The following MTMR3 variants were observed in gnomAD, a reference collection of about 807,000 sequenced individuals.
The protein encoded by MTMR3 is myotubularin related protein 3.
In MTMR3, 32 loss-of-function variants were observed where a neutral mutation model predicts 132.4. The ratio of observed to expected loss-of-function variants is 0.24; its 90% CI spans 0.18 to 0.32. The LOEUF (loss-of-function observed/expected upper bound fraction) is 0.32. Among genes scored for constraint, MTMR3 ranks in the 10% least tolerant of loss-of-function variants. MTMR3 has a pLI of 1.00. For synonymous variants in MTMR3, 556 were observed against 550.3 expected, an observed-to-expected ratio of 1.01 and a Z score of -0.14; for missense variants, 1,216 against 1,489.6, an observed-to-expected ratio of 0.82 and a Z score of 3.02.
At chr22:29,987,222 G>A (rs956694097) in intron 5 of MTMR3, 1 of 152,094 alleles carries the variant, frequency 6.6e-6, no homozygotes, top group African/African-American at 2.4e-5. Context: ...CTGTTTCTTT[G>A]TCCAGCACTG....
At chr22:29,910,169 A>G (rs962353064) in intron 1 of MTMR3, among the ~76,000 whole-genome samples, 1 of 152,082 alleles carries the variant, frequency 6.6e-6, no homozygotes, top group Non-Finnish European at 1.5e-5. Flanking sequence ...ATCTCAAAAA[A>G]AAAAAAGAAA....
chr22:29,963,150 T>A (rs1796528730), intron 2 of MTMR3, among the ~76,000 whole-genome samples: 1 of 152,130 alleles, frequency 6.6e-6, no homozygotes, highest in Non-Finnish European at 1.5e-5. Flanking sequence ...TTTTGCCATG[T>A]TGCCCGGGCT....
At chr22:29,986,664 CT>C (rs66590707) in intron 5 of MTMR3, 1,486 of 757,708 alleles carry the variant, frequency 2.0e-3, no homozygotes, top group Middle Eastern at 3.4e-3. Context: ...TTTTTCTTTT[CT>C]TTTTTTTTTG....
chr22:29,972,927 A>C (rs1234213737), intron 3 of MTMR3, among the ~76,000 whole-genome samples: 1 of 152,226 alleles, frequency 6.6e-6, no homozygotes, highest in African/African-American at 2.4e-5. Context: ...TATAGTTAGA[A>C]TGATAAAATA....
intron 2 of MTMR3, among the ~76,000 whole-genome samples, chr22:29,969,757 C>T (rs551750054): frequency 6.6e-6 from 1 of 152,278 alleles, no homozygotes; most frequent in African/African-American, 2.4e-5. Flanking sequence ...GTCTCGAACT[C>T]CTGACCTCGT....
intron 2 of MTMR3, among the ~76,000 whole-genome samples, chr22:29,969,247 C>T (rs180759201): frequency 6.6e-6 from 1 of 152,268 alleles, no homozygotes; most frequent in Admixed American, 6.5e-5. Context: ...TTACAATGCT[C>T]TTCATCAATA....
rs2145973399 is a variant in MTMR3 at position 30,019,815 on chromosome 22, A to G, written c.2156A>G (p.Glu719Gly). 2 of 1,614,214 alleles carry G rather than the reference A, an allele frequency of 1.2e-6. No individual in the cohort carries two copies. The highest frequency in any genetic ancestry group is 4.5e-5 in the East Asian group (2 of 44,880). Residue 719 changes from glutamate (E) to glycine (G), a missense_variant, in exon 17 of 20, where the codon GAG becomes GGG. Physicochemically the swap from Glu to Gly is moderately conservative, Grantham distance 98. Around this residue, in one of 7 missense-constraint regions of MTMR3, gnomAD observed 852 missense variants for 852.0 expected, o/e 1.00. Transcript: ENST00000401950. Reference protein sequence around the residue: ...RAGIEIQEGKEDPLLEKESRR... With the variant: ...RAGIEIQEGKGDPLLEKESRR... The stretch of plus-strand genomic sequence containing the variant: ...GGCATTGAGATACAGGAGGGTAAAG[A>G]GGACCCTCTCTTAGAAAAGGAGAGC...
chr22:29,934,247 C>T (rs999536502), intron 1 of MTMR3, among the ~76,000 whole-genome samples: 3 of 151,918 alleles, frequency 2.0e-5, no homozygotes, highest in African/African-American at 7.3e-5. Flanking sequence ...TCAGCTACTC[C>T]GGAGGCTGAC....
At chr22:29,916,711 CT>C (rs1602467888) in intron 1 of MTMR3, among the ~76,000 whole-genome samples, 1 of 152,172 alleles carries the variant, frequency 6.6e-6, no homozygotes, top group East Asian at 1.9e-4. Context: ...ATGATAAAGG[CT>C]ATTATAGCCT....
intron 2 of MTMR3, among the ~76,000 whole-genome samples, chr22:29,963,078 G>A (rs1052080927): frequency 7.9e-5 from 12 of 151,852 alleles, no homozygotes; most frequent in African/African-American, 1.7e-4. Flanking sequence ...ATGCCAGCAC[G>A]TCCAGCTAGT....
At position 29,991,597 on chromosome 22, in the gene MTMR3, A is replaced by C; in HGVS notation, c.387A>C (p.Ser129=). The change falls in exon 7 of 20, where the codon TCA becomes TCC. Residue 129 remains serine (S), a synonymous_variant. Coordinates refer to ENST00000401950, the MANE Select transcript of MTMR3 (RefSeq NM_021090.4). ...CTGCTAAAATAGAAGATCTCTTCTC[A>C]TTTGCATACCATGCTTGGTGCATGG... is the stretch of plus-strand genomic sequence containing the variant. ...RPPAKIEDLF[S]FAYHAWCMEV... 1 of 1,614,080 alleles carries C rather than the reference A, an allele frequency of 6.2e-7. No homozygotes were observed. Among genetic ancestry groups the C allele is most frequent in the Non-Finnish European group, 8.5e-7 (1 of 1,179,976 alleles).
chr22:29,945,795 G>A (rs1314334646), intron 1 of MTMR3, among the ~76,000 whole-genome samples: 2 of 151,908 alleles, frequency 1.3e-5, no homozygotes, highest in African/African-American at 2.4e-5. Context: ...TGGGATGAGG[G>A]AATCAGGCAA....
chr22:29,925,650 T>C (rs2065501285), intron 1 of MTMR3, among the ~76,000 whole-genome samples: 1 of 151,798 alleles, frequency 6.6e-6, no homozygotes, highest in Non-Finnish European at 1.5e-5. Context: ...GCATGGTGGC[T>C]CATGCCTGTA....
At chr22:29,891,587 A>G (rs2064801631) in intron 1 of MTMR3, among the ~76,000 whole-genome samples, 1 of 151,866 alleles carries the variant, frequency 6.6e-6, no homozygotes, top group Admixed American at 6.6e-5. Flanking sequence ...GTGTGCCACC[A>G]TGCCTGGCTA....
At chr22:29,903,390 C>CTTTTTTT (rs35625964) in intron 1 of MTMR3, among the ~76,000 whole-genome samples, 2 of 119,706 alleles carry the variant, frequency 1.7e-5, no homozygotes, top group African/African-American at 3.1e-5. Flanking sequence ...CTTTTTCTTT[C>CTTTTTTT]TTTTTTTTTT....
intron 12 of MTMR3, chr22:30,012,027 C>A (rs1368380265): frequency 5.6e-6 from 1 of 177,316 alleles, no homozygotes. Context: ...GAAGTGGCTA[C>A]ATTTTTTATT....
chr22:29,911,219 G>T (rs1211207273), intron 1 of MTMR3, among the ~76,000 whole-genome samples: 1 of 152,036 alleles, frequency 6.6e-6, no homozygotes, highest in African/African-American at 2.4e-5. Flanking sequence ...TTGTTTCTAC[G>T]CAGCATCTCA....
rs1259749750 is a variant in MTMR3, at chr22:29,883,349, CCTG to C, written c.-143_-141del. On this transcript the variant is annotated 5_prime_UTR_variant, in exon 1 of 20. Coordinates refer to ENST00000401950, the MANE Select transcript of MTMR3 (RefSeq NM_021090.4). The stretch of plus-strand genomic sequence containing the variant: ...TGTGCCGTGGAGGGCCTCGCCATGT[CCTG>C]CTGCCCGGTAAGAACCCCATCCCCG... 6.4e-6 allele frequency: 1 copy of C among 157,400 alleles called. No homozygotes were observed. Among genetic ancestry groups the C allele is most frequent in the African/African-American group, 2.4e-5 (1 of 41,516 alleles). 9.8% of individuals were successfully genotyped at this position (157,400 alleles called of 1,614,324 possible).
intron 5 of MTMR3, chr22:29,988,181 CT>C (rs1349116875): frequency 4.9e-6 from 1 of 202,322 alleles, no homozygotes; most frequent in Non-Finnish European, 1.0e-5. Flanking sequence ...AAAAGTAGTA[CT>C]CTGATCTTGT....
Sources: allele counts gnomAD v4.1 joint callset (sites outside exome capture counted in the v4.1 genomes callset), GRCh38; gene constraint gnomAD v4.1.1; regional missense constraint gnomAD v4.1.1; transcripts MANE v1.5; gene names NCBI Gene and HGNC (gene_info 2026-07-23, HGNC 2026-07-21).